The following ZMYM2 variants were observed in gnomAD, a reference collection of about 807,000 sequenced individuals.
The protein encoded by ZMYM2 is zinc finger MYM-type containing 2, also known as zinc finger MYM-type protein 2.
ZMYM2 carries 56 observed loss-of-function variants against 162.8 expected under a neutral mutation model. The ratio of observed to expected loss-of-function variants is 0.34; its 90% confidence interval spans 0.28 to 0.43. The LOEUF is 0.43. Among genes scored for constraint, ZMYM2 ranks in the 20% least tolerant of loss-of-function variants. ZMYM2 has a pLI of 1.00. For missense variants in ZMYM2, 1,275 were observed against 1,621.8 expected, an observed-to-expected ratio of 0.79 and a Z score of 3.67; for synonymous variants, 510 against 541.6, an observed-to-expected ratio of 0.94 and a Z score of 0.81.
In ZMYM2 at chr13:19,960,015, A is replaced by T. The variant is rs561553090; in HGVS notation, c.-22A>T. ...ATCCTTGGCAGAAAGTGAGGAGGAAAACACCCCCATTGTGAGTCCTTTGCC... is the reference window on the plus strand; with the variant it reads ...ATCCTTGGCAGAAAGTGAGGAGGAATACACCCCCATTGTGAGTCCTTTGCC... On this transcript the variant is annotated 5_prime_UTR_variant, in exon 2 of 25. Transcript: ENST00000610343. 2 of 152,306 alleles carry T rather than the reference A, an allele frequency of 1.3e-5. No individual in the cohort carries two copies. Among genetic ancestry groups the T allele is most frequent in the African/African-American group, 4.8e-5 (2 of 41,444 alleles). The allele number at this position is 152,306 out of a possible 1,614,324, so 9.4% of individuals were successfully genotyped here. A position where few individuals can be genotyped will look rare whatever the true frequency, so the allele number is the denominator to read the frequency against.
At chr13:19,980,049 TTTAAAA>T (rs1382005843) in intron 2 of ZMYM2, among the ~76,000 whole-genome samples, 1 of 152,108 alleles carries the variant, frequency 6.6e-6, no homozygotes, top group African/African-American at 2.4e-5. Flanking sequence ...ATCTTGTAAC[TTTAAAA>T]TTATAAAAAT....
chr13:20,073,773 T>C (rs34548708), intron 21 of ZMYM2, among the ~76,000 whole-genome samples: 16,462 of 152,248 alleles, frequency 0.11, 1,277 homozygotes, highest in Non-Finnish European at 0.17. Context: ...GTTAAGAGGT[T>C]TTGAGAGCTA....
In ZMYM2 at chr13:20,021,270, C is replaced by T. The variant is rs375635201; in HGVS notation, c.1584+1652C>T. On this transcript the variant is annotated intron_variant, in intron 7 of 24. Transcript: ENST00000610343. ...AATTACAGGCGTGAGCCACTGCGCC[C>T]GGCCTTACTGTTTTCATATCTGCCA... 7.2e-5 allele frequency among the ~76,000 whole-genome samples: 11 copies of T among 152,036 alleles called. No individual in the cohort carries two copies. In the East Asian group the frequency reaches 9.6e-4, roughly 13 times the overall value.
chr13:20,072,895 T>G (rs1593237360), intron 21 of ZMYM2, among the ~76,000 whole-genome samples: 1 of 152,124 alleles, frequency 6.6e-6, no homozygotes, highest in African/African-American at 2.4e-5. Flanking sequence ...AATCTGTGCC[T>G]TCTTTTTGTT....
At chr13:19,919,092 A>G in the ZMYM2 span, among the ~76,000 whole-genome samples, 2 of 150,928 alleles carry the variant, frequency 1.3e-5, no homozygotes, top group Admixed American at 6.6e-5. Flanking sequence ...TGAGAATTCT[A>G]TATAAATGGA....
chr13:19,939,785 A>T, the ZMYM2 span, among the ~76,000 whole-genome samples: 1 of 152,228 alleles, frequency 6.6e-6, no homozygotes, highest in African/African-American at 2.4e-5. Context: ...TAGTGCTTCC[A>T]ATGTACCAGA....
the ZMYM2 span, among the ~76,000 whole-genome samples, chr13:19,918,495 C>CTTTTTTTTTTTTTTTTTTTTTTT: frequency 1.6e-4 from 17 of 107,488 alleles, no homozygotes; most frequent in South Asian, 3.3e-4. Context: ...TTCTTTCTTT[C>CTTTTTTTTTTTTTTTTTTTTTTT]TTTTTTTTTT....
the ZMYM2 span, among the ~76,000 whole-genome samples, chr13:19,889,703 G>A: frequency 4.7e-3 from 718 of 151,824 alleles, 6 homozygotes; most frequent in Non-Finnish European, 7.3e-3. Context: ...GTGCTTTGGT[G>A]GTACCTGCTG....
intron 3 of ZMYM2, among the ~76,000 whole-genome samples, chr13:19,994,306 C>T (rs1006170206): frequency 5.9e-5 from 9 of 152,088 alleles, no homozygotes; most frequent in African/African-American, 1.9e-4. Context: ...CATAGCGAGA[C>T]GCCATCTCTA....
At position 19,980,580 on chromosome 13, in the gene ZMYM2, T is replaced by C. The variant is rs192928282; in HGVS notation, c.-10-12483T>C. Among the ~76,000 whole-genome samples the C allele has an allele frequency of 2.0e-5, 3 of 151,806 alleles. No homozygotes were observed. In the East Asian group the frequency reaches 5.8e-4, roughly 29 times the overall value. On this transcript the variant is annotated intron_variant, in intron 2 of 24. Coordinates refer to ENST00000610343, the MANE Select transcript of ZMYM2 (RefSeq NM_197968.4). The stretch of plus-strand genomic sequence containing the variant: ...CAGCCTGGCCAACATGGTGAAACCC[T>C]GTCTCTACTAAAAATACAAAAAGTT...
chr13:19,955,690 C>A (rs1429255122), upstream of ZMYM2, among the ~76,000 whole-genome samples: 1 of 152,086 alleles, frequency 6.6e-6, no homozygotes, highest in Non-Finnish European at 1.5e-5. Flanking sequence ...GGTGCGCTCT[C>A]GGCTCACTGC....
chr13:20,086,012 T>TA lies in ZMYM2; in HGVS notation c.*3dup. The TA allele has an allele frequency of 6.2e-7, 1 of 1,612,742 alleles. No individual in the cohort carries two copies. The highest frequency in any genetic ancestry group is 8.5e-7 in the Non-Finnish European group (1 of 1,179,398). The change falls in exon 25 of 25, where the codon TAA becomes TAAA. Residue 1378 remains the stop codon, a frameshift_variant and stop_retained_variant. Transcript: ENST00000610343. LOFTEE classifies it high-confidence loss of function. ...TTATGAACTGGATGAAGACACAGAC[T>TA]AAAAAGGAACGTTGCAGAAGCAATC... is the stretch of plus-strand genomic sequence containing the variant. ...DNYELDEDTD[*] is the part of the protein sequence containing the mutation.
At chr13:20,049,254 C>G (rs1192467956) in intron 12 of ZMYM2, among the ~76,000 whole-genome samples, 1 of 151,360 alleles carries the variant, frequency 6.6e-6, no homozygotes, top group South Asian at 2.1e-4. Flanking sequence ...CCCCTTTTTT[C>G]TTTGGGTAGA....
intron 16 of ZMYM2, 97 bp downstream of exon 16, chr13:20,059,659 TC>T: frequency 1.5e-6 from 1 of 688,410 alleles, no homozygotes. Flanking sequence ...GAGTTTGAAC[TC>T]CATGCATCCA....
At chr13:20,085,711 G>T in intron 24 of ZMYM2, 111 bp from the exon 25 acceptor site, 1 of 808,798 alleles carries the variant, frequency 1.2e-6, no homozygotes, top group Non-Finnish European at 1.9e-6. Flanking sequence ...GGGGCATAGG[G>T]GGTCTGGTCA....
Position 20,060,400 on chromosome 13 carries a change from C to A in ZMYM2, c.2740-653C>A, listed in dbSNP as rs542890581. ...ATTTTCAAAAGGAATATTTGTGGGC[C>A]ATGTGCAGTGGCTCACGCCTGTAAT... On this transcript the variant is annotated intron_variant, in intron 16 of 24. Coordinates refer to ENST00000610343, the MANE Select transcript of ZMYM2 (RefSeq NM_197968.4). 7.9e-5 allele frequency among the ~76,000 whole-genome samples: 12 copies of A among 152,216 alleles called. No homozygotes were observed. The East Asian group carries it at 2.1e-3, about 27-fold the overall frequency.
chr13:19,926,094 G>T, the ZMYM2 span, among the ~76,000 whole-genome samples: 1 of 151,180 alleles, frequency 6.6e-6, no homozygotes, highest in African/African-American at 2.4e-5. Flanking sequence ...CCGAGTAGCT[G>T]GGATTACAGG....
At chr13:19,979,546 A>C (rs1437727642) in intron 2 of ZMYM2, among the ~76,000 whole-genome samples, 1 of 151,520 alleles carries the variant, frequency 6.6e-6, no homozygotes, top group East Asian at 1.9e-4. Flanking sequence ...ATGTCTGCAG[A>C]GAAAAGAGAA....
Position 20,036,754 on chromosome 13 carries a change from A to G in ZMYM2, c.2137A>G (p.Lys713Glu). ...TTTTTCAGGCTGCAAATTATTATAC[A>G]AACAGGATTTTGCCAGACGTTTAGG... ...FCSEGCKLLY[K>E]QDFARRLGLR... The change falls in exon 12 of 25, where the codon AAA (lysine) becomes GAA (glutamate). Residue 713 changes from lysine to glutamate, a missense_variant. Around this residue, in one of 10 missense-constraint regions of ZMYM2, gnomAD observed 177 missense variants for 228.0 expected, o/e 0.78. Transcript: ENST00000610343. 1 of 1,560,312 alleles carries G rather than the reference A, an allele frequency of 6.4e-7. No individual in the cohort carries two copies.
Sources: allele counts gnomAD v4.1 joint callset (sites outside exome capture counted in the v4.1 genomes callset), GRCh38; gene constraint gnomAD v4.1.1; regional missense constraint gnomAD v4.1.1; transcripts MANE v1.5; gene names NCBI Gene and HGNC (gene_info 2026-07-23, HGNC 2026-07-21).